Variants in SGCZ observed in about 807,000 individuals in gnomAD.
SGCZ encodes the protein sarcoglycan zeta.
A neutral mutation model predicts 41.3 loss-of-function variants in SGCZ; 40 were observed. That is an observed-to-expected ratio of 0.97 (90% CI 0.75 to 1.26). The LOEUF is 1.26. SGCZ is among the 50% of genes most tolerant of loss of function. The pLI is 0.00. For missense variants in SGCZ, 552 were observed against 369.8 expected (o/e 1.49, Z -4.04); for synonymous variants, 206 against 137.5 (o/e 1.50, Z -3.49).
At chr8:14,153,923 T>TCA (rs1253134409) in intron 5 of SGCZ, among the ~76,000 whole-genome samples, 3 of 142,014 alleles carry the variant, frequency 2.1e-5, no homozygotes, top group African/African-American at 5.2e-5. Context: ...TCTCTCTCTC[T>TCA]CACACACACA....
intron 4 of SGCZ, among the ~76,000 whole-genome samples, chr8:14,230,657 A>G (rs796143111): frequency 1.3e-4 from 20 of 151,664 alleles, no homozygotes; most frequent in African/African-American, 4.6e-4. Context: ...ACATCATATG[A>G]TTGTCCCCAC....
chr8:14,344,137 T>A (rs560921176), intron 2 of SGCZ, among the ~76,000 whole-genome samples: 12 of 152,064 alleles, frequency 7.9e-5, no homozygotes, highest in African/African-American at 2.9e-4. Context: ...ACCATTGAAA[T>A]CAATAAGATG....
intron 4 of SGCZ, among the ~76,000 whole-genome samples, chr8:14,207,494 A>T (rs989649624): frequency 1.3e-5 from 2 of 152,126 alleles, no homozygotes; most frequent in Non-Finnish European, 2.9e-5. Flanking sequence ...TATGGTTTAC[A>T]TTTTTCTAAA....
At chr8:14,208,956 C>T (rs1805706838) in intron 4 of SGCZ, among the ~76,000 whole-genome samples, 1 of 152,148 alleles carries the variant, frequency 6.6e-6, no homozygotes, top group South Asian at 2.1e-4. Flanking sequence ...CCTGTAAAAT[C>T]AAGCTGCAGA....
intron 1 of SGCZ, among the ~76,000 whole-genome samples, chr8:14,985,731 G>C (rs971729162): frequency 6.6e-6 from 1 of 152,136 alleles, no homozygotes; most frequent in East Asian, 1.9e-4. Context: ...AACAACACAG[G>C]CTATATCTGC....
At chr8:14,972,445 C>A (rs1319319883) in intron 1 of SGCZ, among the ~76,000 whole-genome samples, 5 of 152,090 alleles carry the variant, frequency 3.3e-5, no homozygotes. Context: ...TGGGTCTTGA[C>A]ATTTATAAAG....
intron 2 of SGCZ, among the ~76,000 whole-genome samples, chr8:14,408,625 C>G (rs762654595): frequency 1.8e-4 from 27 of 152,110 alleles, no homozygotes; most frequent in Admixed American, 7.2e-4. Flanking sequence ...GTATAATATT[C>G]TGCAGCAACA....
intron 1 of SGCZ, among the ~76,000 whole-genome samples, chr8:14,753,727 T>C (rs1243229586): frequency 1.3e-5 from 2 of 152,140 alleles, no homozygotes; most frequent in Admixed American, 6.5e-5. Context: ...AGTGGCAAAG[T>C]ATAAAGGACT....
intron 1 of SGCZ, among the ~76,000 whole-genome samples, chr8:15,131,073 C>T (rs915416188): frequency 7.9e-5 from 12 of 152,030 alleles, no homozygotes; most frequent in African/African-American, 2.9e-4. Flanking sequence ...GATTTACTTC[C>T]AAATATTTGA....
chr8:14,792,467 A>G (rs1800987887), intron 1 of SGCZ, among the ~76,000 whole-genome samples: 1 of 152,106 alleles, frequency 6.6e-6, no homozygotes, highest in African/African-American at 2.4e-5. Context: ...CCTCTCCACT[A>G]TGCTAGTCAA....
intron 1 of SGCZ, among the ~76,000 whole-genome samples, chr8:15,001,411 C>T (rs184581858): frequency 4.6e-5 from 7 of 152,048 alleles, no homozygotes; most frequent in Admixed American, 3.3e-4. Flanking sequence ...CTGAATCAGT[C>T]GTGTGCATTC....
chr8:15,224,165 C>A (rs1255107781), intron 1 of SGCZ, among the ~76,000 whole-genome samples: 4 of 152,100 alleles, frequency 2.6e-5, no homozygotes, highest in African/African-American at 7.2e-5. Flanking sequence ...CAAAAAGCTT[C>A]TTTAAAAAGA....
intron 3 of SGCZ, among the ~76,000 whole-genome samples, chr8:14,308,108 C>T (rs1801405258): frequency 6.6e-6 from 1 of 151,954 alleles, no homozygotes. Context: ...CTTGCTATTT[C>T]AAAGCAAGTT....
At chr8:14,106,534 G>A (rs17118658) in intron 6 of SGCZ, among the ~76,000 whole-genome samples, 25,581 of 152,050 alleles carry the variant, frequency 0.17, 3,330 homozygotes, top group East Asian at 0.67. Flanking sequence ...GAGTTGTTTA[G>A]GAAATTTTAT....
intron 3 of SGCZ, among the ~76,000 whole-genome samples, chr8:14,318,828 A>C (rs1206194523): frequency 6.6e-6 from 1 of 151,972 alleles, no homozygotes; most frequent in Non-Finnish European, 1.5e-5. Flanking sequence ...TCAATCATTA[A>C]AACTTCAGCA....
At chr8:14,653,523 A>T (rs1051806020) in intron 1 of SGCZ, among the ~76,000 whole-genome samples, 4 of 152,118 alleles carry the variant, frequency 2.6e-5, no homozygotes, top group Admixed American at 6.6e-5. Context: ...ACAATTGTTT[A>T]AAAAACAAAC....
intron 5 of SGCZ, among the ~76,000 whole-genome samples, chr8:14,160,270 G>C (rs899491124): frequency 6.6e-6 from 1 of 152,126 alleles, no homozygotes; most frequent in Non-Finnish European, 1.5e-5. Context: ...AAGCAGAGTG[G>C]CTTATTCGTG....
chr8:15,097,042 C>G (rs1008221167), intron 1 of SGCZ, among the ~76,000 whole-genome samples: 10 of 152,020 alleles, frequency 6.6e-5, no homozygotes, highest in Non-Finnish European at 1.5e-5. Flanking sequence ...GTCTTTAACC[C>G]CAGGCACAAG....
intron 1 of SGCZ, among the ~76,000 whole-genome samples, chr8:14,732,004 G>T (rs184714961): frequency 1.2e-4 from 18 of 152,276 alleles, no homozygotes; most frequent in African/African-American, 3.6e-4. Context: ...GAAACCAGGA[G>T]TTAAAAGGAA....
Sources: allele counts gnomAD v4.1 joint callset (sites outside exome capture counted in the v4.1 genomes callset), GRCh38; gene constraint gnomAD v4.1.1; transcripts MANE v1.5; gene names NCBI Gene and HGNC (gene_info 2026-07-23, HGNC 2026-07-21).